The following ATP2B2 variants were observed in gnomAD, a reference collection of about 807,000 sequenced individuals.
ATP2B2 encodes ATPase plasma membrane Ca2+ transporting 2, also known as plasma membrane calcium-transporting ATPase 2.
ATP2B2 carries 15 observed loss-of-function variants against 120.0 expected under a neutral mutation model. The ratio of observed to expected loss-of-function variants is 0.12; its 90% CI spans 0.08 to 0.19. The LOEUF (loss-of-function observed/expected upper bound fraction) is 0.19. Ranked by LOEUF, ATP2B2 falls within the 10% of genes least tolerant of loss-of-function variation. ATP2B2 has a pLI of 1.00. For missense variants in ATP2B2, 1,045 were observed against 1,719.8 expected (o/e 0.61, Z 6.94); for synonymous variants, 694 against 700.3 (o/e 0.99, Z 0.14).
rs1334604826 is a variant in ATP2B2 at position 10,358,929 on chromosome 3, G to T, written c.1902-4C>A. Reference sequence around the variant, plus strand: ...CCCATTGAGGATTTTGCAGCACCTAGGGGAGGATGGAAGGGAGATGGGGAG... The same window carrying T: ...CCCATTGAGGATTTTGCAGCACCTATGGGAGGATGGAAGGGAGATGGGGAG... On this transcript the variant is annotated splice_polypyrimidine_tract_variant and splice_region_variant and intron_variant, in intron 13 of 22. Transcript: ENST00000360273. 7 of 1,613,084 alleles carry T rather than the reference G, an allele frequency of 4.3e-6. No individual in the cohort carries two copies. The highest frequency in any genetic ancestry group is 1.1e-5 in the South Asian group (1 of 91,048).
At chr3:10,557,925 C>T (rs931748814) in intron 2 of ATP2B2, among the ~76,000 whole-genome samples, 5 of 145,974 alleles carry the variant, frequency 3.4e-5, no homozygotes, top group Non-Finnish European at 7.7e-5. Flanking sequence ...AGGCATGCCT[C>T]CAGTGTGGGG....
At chr3:10,467,070 C>T (rs2125260886) in intron 1 of ATP2B2, among the ~76,000 whole-genome samples, 1 of 152,330 alleles carries the variant, frequency 6.6e-6, no homozygotes, top group African/African-American at 2.4e-5. Context: ...GGCTAGATGG[C>T]TTCTAAGAGA....
intron 1 of ATP2B2, among the ~76,000 whole-genome samples, chr3:10,629,441 G>C (rs1341769459): frequency 6.6e-6 from 1 of 152,248 alleles, no homozygotes; most frequent in Non-Finnish European, 1.5e-5. Flanking sequence ...AGGAGGATGT[G>C]TTGATCATTC....
chr3:10,653,432 A>C (rs1446181977), intron 1 of ATP2B2, among the ~76,000 whole-genome samples: 1 of 152,158 alleles, frequency 6.6e-6, no homozygotes, highest in Non-Finnish European at 1.5e-5. Flanking sequence ...CAGGATGGGG[A>C]GGGAAGGTGC....
intron 2 of ATP2B2, among the ~76,000 whole-genome samples, chr3:10,437,091 T>A (rs1013655660): frequency 6.6e-6 from 1 of 152,194 alleles, no homozygotes; most frequent in Admixed American, 6.5e-5. Context: ...ACTTGTCTTC[T>A]TTTCCCCTTT....
chr3:10,340,239 T>C lies in ATP2B2; in HGVS notation c.3237+3A>G. On this transcript the variant is annotated splice_donor_region_variant and intron_variant, in intron 21 of 22. Coordinates refer to ENST00000360273, the MANE Select transcript of ATP2B2 (RefSeq NM_001001331.4). The surrounding 1 kb of genome is among the most constrained non-coding windows in gnomAD (Gnocchi z 5.0). ...CACCTCCTGCGACCTACCAGGAACT[T>C]ACCTGGCCCCAAACGAGCTCTCCTA... 1.2e-6 allele frequency: 2 copies of C among 1,613,944 alleles called. No individual in the cohort carries two copies. Among genetic ancestry groups the C allele is most frequent in the Non-Finnish European group, 1.7e-6 (2 of 1,179,962 alleles).
Position 10,396,148 on chromosome 3 carries a change from G to A in ATP2B2, c.781+4805C>T, listed in dbSNP as rs563231713. On this transcript the variant is annotated intron_variant, in intron 5 of 22. Coordinates refer to ENST00000360273, the MANE Select transcript of ATP2B2 (RefSeq NM_001001331.4). ...GCAGAGGCCACAGTGGGAGCTGTTGGAGGGCTGGAACCTGGGCATTCTGCC... is the reference window on the plus strand; with the variant it reads ...GCAGAGGCCACAGTGGGAGCTGTTGAAGGGCTGGAACCTGGGCATTCTGCC... Among the ~76,000 whole-genome samples, 8 of 152,380 alleles carry A rather than the reference G, an allele frequency of 5.3e-5. No homozygotes were observed. The South Asian group carries it at 1.2e-3, about 24-fold the overall frequency.
At chr3:10,428,952 A>G (rs1480221826) in intron 2 of ATP2B2, among the ~76,000 whole-genome samples, 3 of 152,238 alleles carry the variant, frequency 2.0e-5, no homozygotes, top group Non-Finnish European at 2.9e-5. Flanking sequence ...GGCTTTAGCA[A>G]AAATGAAACG....
chr3:10,384,588 C>A (rs1185873550), intron 8 of ATP2B2, among the ~76,000 whole-genome samples: 4 of 152,186 alleles, frequency 2.6e-5, no homozygotes, highest in Non-Finnish European at 5.9e-5. Context: ...GACACCAGTA[C>A]ACAGTGCCAG....
intron 2 of ATP2B2, among the ~76,000 whole-genome samples, chr3:10,610,098 C>CAT (rs1017043290): frequency 6.7e-6 from 1 of 149,726 alleles, no homozygotes; most frequent in Non-Finnish European, 1.5e-5. Flanking sequence ...CACACACACA[C>CAT]ACACATATAT....
At chr3:10,661,981 C>G (rs1318231962) in intron 1 of ATP2B2, among the ~76,000 whole-genome samples, 1 of 152,022 alleles carries the variant, frequency 6.6e-6, no homozygotes, top group East Asian at 1.9e-4. Context: ...ACAAACCTGA[C>G]AAAAACAAGA....
At chr3:10,452,417 C>T (rs1186347428) in intron 1 of ATP2B2, among the ~76,000 whole-genome samples, 1 of 152,174 alleles carries the variant, frequency 6.6e-6, no homozygotes, top group Non-Finnish European at 1.5e-5. Context: ...CATGTGGGCC[C>T]TTGTTCAGGG....
intron 2 of ATP2B2, among the ~76,000 whole-genome samples, chr3:10,562,289 T>C (rs2067919585): frequency 6.6e-6 from 1 of 152,202 alleles, no homozygotes; most frequent in African/African-American, 2.4e-5. Flanking sequence ...AGGAGTCCCA[T>C]GGCAGTCTGA....
rs546460511 is a variant in ATP2B2, at chr3:10,645,281, G to A, written c.-459-25320C>T. On this transcript the variant is annotated intron_variant, in intron 1 of 21. Coordinates refer to the ATP2B2 transcript ENST00000646379. Reference sequence around the variant, plus strand: ...TGGAGGGGGGTTGTACTCAAAATAAGCTAGTGGGAGAAAGCTTTGAAGGAC... The same window carrying A: ...TGGAGGGGGGTTGTACTCAAAATAAACTAGTGGGAGAAAGCTTTGAAGGAC... Among the ~76,000 whole-genome samples, 4 of 152,294 alleles carry A rather than the reference G, an allele frequency of 2.6e-5. No homozygotes were observed. In the South Asian group the frequency reaches 8.3e-4, roughly 32 times the overall value.
At position 10,554,134 on chromosome 3, in the gene ATP2B2, C is replaced by T. The variant is rs560890059; in HGVS notation, c.-414-20001G>A. ...AATACCCCAGGAATAAAGAATTAACCCCATGTATGGCGCTTGACCCTTTGT... is the reference window on the plus strand; with the variant it reads ...AATACCCCAGGAATAAAGAATTAACTCCATGTATGGCGCTTGACCCTTTGT... On this transcript the variant is annotated intron_variant, in intron 2 of 21. Transcript: ENST00000646379. Among the ~76,000 whole-genome samples, 401 of 152,238 alleles carry T rather than the reference C, an allele frequency of 2.6e-3. 1 individual carries two copies. The highest frequency in any genetic ancestry group is 9.1e-3 in the African/African-American group (378 of 41,522).
chr3:10,701,049 G>A (rs2071810146), intron 1 of ATP2B2, among the ~76,000 whole-genome samples: 1 of 152,204 alleles, frequency 6.6e-6, no homozygotes, highest in Non-Finnish European at 1.5e-5. Flanking sequence ...AGGAACTGGA[G>A]ATATTTCTAT....
At chr3:10,506,917 A>G (rs765232539), upstream of ATP2B2, among the ~76,000 whole-genome samples, 4 of 152,224 alleles carry the variant, frequency 2.6e-5, no homozygotes, top group Non-Finnish European at 5.9e-5. Context: ...GAAAGTCTGC[A>G]CTGCACCAAA....
intron 2 of ATP2B2, among the ~76,000 whole-genome samples, chr3:10,567,358 A>G (rs2068031699): frequency 6.6e-6 from 1 of 152,222 alleles, no homozygotes; most frequent in African/African-American, 2.4e-5. Flanking sequence ...GGGATCACCA[A>G]ATGGACATGA....
At chr3:10,564,216 T>C (rs1443237814) in intron 2 of ATP2B2, among the ~76,000 whole-genome samples, 1 of 151,388 alleles carries the variant, frequency 6.6e-6, no homozygotes, top group African/African-American at 2.5e-5. Flanking sequence ...ATAATACCCA[T>C]AGGCTGGCAG....
Sources: allele counts gnomAD v4.1 joint callset (sites outside exome capture counted in the v4.1 genomes callset), GRCh38; gene constraint gnomAD v4.1.1; non-coding constraint Gnocchi (gnomAD v3.1); transcripts MANE v1.5; gene names NCBI Gene and HGNC (gene_info 2026-07-23, HGNC 2026-07-21).